Variants in EDEM2 observed in about 807,000 individuals in gnomAD.
The protein encoded by EDEM2 is ER degradation-enhancing alpha-mannosidase-like protein 2.
Under a neutral mutation model 64.8 loss-of-function variants are expected in EDEM2, and 39 were observed. That is an observed-to-expected ratio of 0.60 (90% CI 0.47 to 0.79). The LOEUF (loss-of-function observed/expected upper bound fraction) is 0.79. Ranked by LOEUF, EDEM2 falls within the 30% of genes least tolerant of loss-of-function variation. EDEM2 has a pLI of 0.00. For missense variants in EDEM2, 609 were observed against 731.3 expected (o/e 0.83, Z 1.93); for synonymous variants, 296 against 291.5 (o/e 1.02, Z -0.16).
rs367739403 is a variant in EDEM2, at chr20:35,115,389, T to C, written c.*44A>G. 2.8e-4 allele frequency: 433 copies of C among 1,565,798 alleles called. No individual in the cohort carries two copies. Among genetic ancestry groups the C allele is most frequent in the South Asian group, 3.4e-4 (29 of 84,510 alleles). ...TATGATAGCCAAAAGCAATTTATTATAGTTTAGCCTCAAAAAAATAAAAAT... is the reference window on the plus strand; with the variant it reads ...TATGATAGCCAAAAGCAATTTATTACAGTTTAGCCTCAAAAAAATAAAAAT... On this transcript the variant is annotated 3_prime_UTR_variant, in exon 11 of 11. Coordinates refer to ENST00000374492, the MANE Select transcript of EDEM2 (RefSeq NM_018217.3).
In EDEM2 at chr20:35,116,019, GC is replaced by G. The variant is rs1357015951; in HGVS notation, c.1237-87del. On this transcript the variant is annotated intron_variant, in intron 10 of 10. Transcript: ENST00000374492. The stretch of plus-strand genomic sequence containing the variant: ...GCAATCCCTTAAGAAGGCCTGTTCT[GC>G]CACAAAGCAGCTGAGGGCCTGTGAG... The G allele has an allele frequency of 3.4e-6, 5 of 1,463,394 alleles. No homozygotes were observed. The East Asian group carries it at 1.1e-4, about 33-fold the overall frequency. The allele number at this position is 1,463,394 out of a possible 1,614,324, so 90.7% of individuals were successfully genotyped here. A position where few individuals can be genotyped will look rare whatever the true frequency, so the allele number is the denominator to read the frequency against.
chr20:35,147,020 A>C, intron 1 of EDEM2, 85 bp from the exon 2 acceptor site: 1 of 1,557,514 alleles, frequency 6.4e-7, no homozygotes, highest in Non-Finnish European at 8.7e-7. Flanking sequence ...GAAAGTGGGA[A>C]TCACTAGCTG....
intron 10 of EDEM2, among the ~76,000 whole-genome samples, chr20:35,116,464 C>T (rs536077244): frequency 1.3e-5 from 2 of 152,194 alleles, no homozygotes; most frequent in Non-Finnish European, 2.9e-5. Flanking sequence ...CAGCTGCTGC[C>T]TTTCTGTCCT....
chr20:35,119,420 T>C (rs2085344251), intron 9 of EDEM2, among the ~76,000 whole-genome samples: 1 of 151,816 alleles, frequency 6.6e-6, no homozygotes, highest in Admixed American at 6.6e-5. Context: ...CATGGCGAGA[T>C]CTTGTCTCTA....
chr20:35,115,607 A>T lies in EDEM2; in HGVS notation c.1563T>A (p.Ser521Arg). The T allele has an allele frequency of 6.2e-7, 1 of 1,614,086 alleles. No homozygotes were observed. Among genetic ancestry groups the T allele is most frequent in the East Asian group, 2.2e-5 (1 of 44,868 alleles). Reference sequence around the variant, plus strand: ...TTGCTGGAGGTTCCCATGGCCCCGAACTAACAGTGTTTTTCTGAAATTTCG... The same window carrying T: ...TTGCTGGAGGTTCCCATGGCCCCGATCTAACAGTGTTTTTCTGAAATTTCG... ...SRSKFQKNTV[S>R]SGPWEPPARP... Residue 521 changes from serine (S) to arginine (R), a missense_variant, in exon 11 of 11, where the codon AGT becomes AGA. Physicochemically the swap from Ser to Arg is moderately radical, Grantham distance 110. Transcript: ENST00000374492.
chr20:35,118,860 G>C, intron 9 of EDEM2, 141 bp from the exon 10 acceptor site: 2 of 1,256,842 alleles, frequency 1.6e-6, no homozygotes, highest in South Asian at 1.5e-5. Flanking sequence ...ACCTCACCCA[G>C]TGCTGAGTTT....
intron 10 of EDEM2, 161 bp downstream of exon 10, chr20:35,118,437 T>C (rs2085332076): frequency 9.4e-7 from 1 of 1,065,750 alleles, no homozygotes; most frequent in South Asian, 1.4e-5. Context: ...TTAGCTTCTC[T>C]GTTCTTTGGT....
chr20:35,116,795 T>TC (rs2085314502), intron 10 of EDEM2, among the ~76,000 whole-genome samples: 1 of 149,542 alleles, frequency 6.7e-6, no homozygotes, highest in Admixed American at 6.7e-5. Context: ...ATTACCAAGT[T>TC]TTTTTTTTTT....
chr20:35,132,647 C>G (rs1212119971), intron 6 of EDEM2, among the ~76,000 whole-genome samples: 1 of 128,910 alleles, frequency 7.8e-6, no homozygotes, highest in Non-Finnish European at 1.8e-5. Context: ...GGGGGAGACT[C>G]TGTCTCAAAA....
chr20:35,146,813 C>A lies in EDEM2; in HGVS notation c.218+12G>T. 6.2e-7 allele frequency: 1 copy of A among 1,612,996 alleles called. No individual in the cohort carries two copies. The highest frequency in any genetic ancestry group is 1.3e-5 in the African/African-American group (1 of 74,996). The stretch of plus-strand genomic sequence containing the variant: ...AGACCCTGGCCGCCCCTTGCCCCTC[C>A]GCTCGCACTACCTGCCCCAGGTGTC... On this transcript the variant is annotated intron_variant, in intron 2 of 10. Transcript: ENST00000374492.
chr20:35,134,565 A>T (rs1035003312), intron 6 of EDEM2, among the ~76,000 whole-genome samples, 173 bp downstream of exon 6: 2 of 151,708 alleles, frequency 1.3e-5, no homozygotes, highest in Non-Finnish European at 2.9e-5. Flanking sequence ...TCTCCTCCCC[A>T]CTCCAAGCCA....
At chr20:35,125,510 G>T (rs1406369488) in intron 8 of EDEM2, among the ~76,000 whole-genome samples, 1 of 151,752 alleles carries the variant, frequency 6.6e-6, no homozygotes, top group African/African-American at 2.4e-5. Flanking sequence ...TCAGCCTCCC[G>T]AGTAGCTGGG....
chr20:35,136,565 T>A (rs1305279737), intron 5 of EDEM2, among the ~76,000 whole-genome samples: 1 of 151,976 alleles, frequency 6.6e-6, no homozygotes, highest in African/African-American at 2.4e-5. Flanking sequence ...AAGACCAGCC[T>A]GGGCAACATG....
At chr20:35,128,210 A>G (rs1040064870) in intron 7 of EDEM2, among the ~76,000 whole-genome samples, 15 of 152,074 alleles carry the variant, frequency 9.9e-5, no homozygotes, top group Admixed American at 6.6e-4. Flanking sequence ...GTGAAACCCC[A>G]TCTCTACTAA....
chr20:35,139,566 C>G (rs991529301), intron 4 of EDEM2, among the ~76,000 whole-genome samples: 9 of 150,904 alleles, frequency 6.0e-5, no homozygotes, highest in African/African-American at 2.2e-4. Context: ...AGGAGAATTG[C>G]TTGAACCCAG....
chr20:35,141,139 A>G (rs1005271356), intron 4 of EDEM2, among the ~76,000 whole-genome samples: 1 of 150,752 alleles, frequency 6.6e-6, no homozygotes. Context: ...AAAAAAAAAA[A>G]AAAAAAGAAG....
At chr20:35,129,668 G>A (rs181645817) in intron 7 of EDEM2, among the ~76,000 whole-genome samples, 2 of 152,134 alleles carry the variant, frequency 1.3e-5, no homozygotes, top group Non-Finnish European at 2.9e-5. Flanking sequence ...TTACAATAGT[G>A]TAATGTCCTA....
chr20:35,147,241 G>C lies in EDEM2; in HGVS notation c.18C>G (p.Leu6=). The C allele has an allele frequency of 6.3e-7, 1 of 1,592,204 alleles. No homozygotes were observed. Among genetic ancestry groups the C allele is most frequent in the Non-Finnish European group, 8.6e-7 (1 of 1,167,674 alleles). The change falls in exon 1 of 11, where the codon CTC becomes CTG. Residue 6 remains leucine (L), a synonymous_variant. Transcript: ENST00000374492. Reference sequence around the variant, plus strand: ...GCGCGCACAGGAGGCCGAGCGGGATGAGCAGCCGGAAAGGCATAGAGCTCG... The same window carrying C: ...GCGCGCACAGGAGGCCGAGCGGGATCAGCAGCCGGAAAGGCATAGAGCTCG... MPFRL[L]IPLGLLCALL...
chr20:35,125,631 G>A (rs1442889600), intron 8 of EDEM2, among the ~76,000 whole-genome samples: 4 of 152,134 alleles, frequency 2.6e-5, no homozygotes, highest in Non-Finnish European at 4.4e-5. Flanking sequence ...TGATCCGCCT[G>A]CCTCGGCCTG....
Sources: gnomAD v4.1 joint callset for allele counts (sites outside exome capture counted in the v4.1 genomes callset) on GRCh38, gnomAD v4.1.1 for gene constraint, MANE v1.5 for transcripts, NCBI Gene and HGNC (gene_info 2026-07-23, HGNC 2026-07-21) for gene names.